SMC3: variants seen among roughly 807,000 people sequenced by gnomAD.
The protein encoded by SMC3 is structural maintenance of chromosomes protein 3.
Under a neutral mutation model 171.8 loss-of-function variants are expected in SMC3, and 20 were observed. That is an observed-to-expected ratio of 0.12 (90% CI 0.08 to 0.17). The LOEUF is 0.17. Ranked by LOEUF, SMC3 falls within the 10% of genes least tolerant of loss-of-function variation. The probability of loss-of-function intolerance (pLI) is 1.00; values close to 1 mark genes in which losing one functional copy is unlikely to be tolerated. For missense variants in SMC3, 543 were observed against 1,420.4 expected, an observed-to-expected ratio of 0.38 and a Z score of 9.93; for synonymous variants, 464 against 451.1, an observed-to-expected ratio of 1.03 and a Z score of -0.36.
At position 110,570,568 on chromosome 10, in the gene SMC3, G is replaced by C. The variant is rs538178427; in HGVS notation, c.91+1555G>C. ...TTTTTCATCAATCAGAAAATCTTTA[G>C]AAATGTAGAAAAATAAGAATTATTA... is the stretch of plus-strand genomic sequence containing the variant. On this transcript the variant is annotated intron_variant, in intron 2 of 28. Transcript: ENST00000361804. Among the ~76,000 whole-genome samples the C allele has an allele frequency of 3.3e-5, 5 of 152,144 alleles. No individual in the cohort carries two copies. The East Asian group carries it at 9.6e-4, about 29-fold the overall frequency.
chr10:110,575,358 T>A lies in SMC3; in HGVS notation c.153T>A (p.Asp51Glu). 6.2e-7 allele frequency: 1 copy of A among 1,613,712 alleles called. No homozygotes were observed. The highest frequency in any genetic ancestry group is 8.5e-7 in the Non-Finnish European group (1 of 1,179,714). The stretch of plus-strand genomic sequence containing the variant: ...CAGCAATTCAGTTTGTTCTCAGTGA[T>A]GAGTTTAGTCATCTTCGTCCAGAAC... ...FFYAIQFVLS[D>E]EFSHLRPEQR... Residue 51 changes from aspartate to glutamate, a missense_variant, in exon 4 of 29, where the codon GAT becomes GAA. Asp to Glu is a conservative substitution (Grantham distance 45, BLOSUM62 2). Transcript: ENST00000361804.
At chr10:110,597,142 T>TC (rs1861312765) in intron 19 of SMC3, among the ~76,000 whole-genome samples, 1 of 23,978 alleles carries the variant, frequency 4.2e-5, no homozygotes, top group African/African-American at 8.9e-5. Flanking sequence ...GGACCCTGTC[T>TC]CAAAAAAAAA....
chr10:110,593,342 C>CG, intron 18 of SMC3, 119 bp downstream of exon 18: 1 of 997,944 alleles, frequency 1.0e-6, no homozygotes, highest in Non-Finnish European at 1.5e-6. Context: ...GAGGCTGAGG[C>CG]GGGTGGATCA....
At chr10:110,570,164 C>A (rs1365697914) in intron 2 of SMC3, among the ~76,000 whole-genome samples, 3 of 152,196 alleles carry the variant, frequency 2.0e-5, no homozygotes, top group Non-Finnish European at 4.4e-5. Flanking sequence ...CACATGGCCC[C>A]ATCCTCATGT....
chr10:110,594,441 C>T (rs1861262889), intron 18 of SMC3, among the ~76,000 whole-genome samples: 1 of 151,992 alleles, frequency 6.6e-6, no homozygotes, highest in Non-Finnish European at 1.5e-5. Flanking sequence ...ACAAGTGTTA[C>T]CTAATATGAA....
chr10:110,592,099 A>G (rs1861214417), intron 17 of SMC3, among the ~76,000 whole-genome samples: 1 of 152,096 alleles, frequency 6.6e-6, no homozygotes, highest in South Asian at 2.1e-4. Context: ...CCCTGTCTCT[A>G]CTAAAAATAC....
In SMC3 at chr10:110,604,547, GAA is replaced by G; in HGVS notation, c.*247_*248del. ...GTTCTGCTCCTATTTTAAATGTTTT[GAA>G]ACATGCTAAATATTCTTTCCTAATT... On this transcript the variant is annotated 3_prime_UTR_variant, in exon 29 of 29. Coordinates refer to ENST00000361804, the MANE Select transcript of SMC3 (RefSeq NM_005445.4). The G allele has an allele frequency of 2.3e-6, 1 of 439,326 alleles. No homozygotes were observed. Among genetic ancestry groups the G allele is most frequent in the East Asian group, 4.3e-5 (1 of 23,056 alleles). The allele number at this position is 439,326 out of a possible 1,614,324, so 27.2% of individuals were successfully genotyped here.
At chr10:110,595,624 G>A (rs985850668) in intron 18 of SMC3, among the ~76,000 whole-genome samples, 4 of 152,092 alleles carry the variant, frequency 2.6e-5, no homozygotes, top group African/African-American at 9.7e-5. Context: ...TTACACTGGG[G>A]GGTTTCAAAA....
chr10:110,574,057 T>C (rs551275467), intron 3 of SMC3, among the ~76,000 whole-genome samples: 2 of 152,342 alleles, frequency 1.3e-5, no homozygotes, highest in East Asian at 3.9e-4. Context: ...TGCAATAGTA[T>C]GTATGAAAAT....
chr10:110,592,947 C>T lies in SMC3; in HGVS notation c.1813-126C>T, dbSNP rs77787875. The stretch of plus-strand genomic sequence containing the variant: ...AGTCTTCTAACTACTTCAGGGAAAA[C>T]GCCAATCGTTTTGAAATATAATGGT... On this transcript the variant is annotated intron_variant, in intron 17 of 28. Transcript: ENST00000361804. 0.13 allele frequency: 106,457 copies of T among 842,068 alleles called. 8,113 individuals are homozygous for T. Among genetic ancestry groups the T allele is most frequent in the East Asian group, 0.3 (11,451 of 38,666 alleles). The allele number at this position is 842,068 out of a possible 1,614,324, so 52.2% of individuals were successfully genotyped here.
intron 3 of SMC3, among the ~76,000 whole-genome samples, 184 bp downstream of exon 3, chr10:110,573,929 T>C (rs762785315): frequency 5.4e-4 from 82 of 152,176 alleles, no homozygotes; most frequent in African/African-American, 1.2e-3. Context: ...ACCCAGTGGC[T>C]GATTAGCTGT....
At position 110,575,419 on chromosome 10, in the gene SMC3, T is replaced by C; in HGVS notation, c.198+16T>C. 6.3e-7 allele frequency: 1 copy of C among 1,577,312 alleles called. No homozygotes were observed. The highest frequency in any genetic ancestry group is 8.7e-7 in the Non-Finnish European group (1 of 1,146,702). ...TTTATTGCATGTGAGTGAGACTGCT[T>C]TAAGACATTATTGATATTACATATA... On this transcript the variant is annotated intron_variant, in intron 4 of 28. Coordinates refer to ENST00000361804, the MANE Select transcript of SMC3 (RefSeq NM_005445.4).
At chr10:110,586,745 C>T (rs1008886144) in intron 13 of SMC3, among the ~76,000 whole-genome samples, 1 of 152,132 alleles carries the variant, frequency 6.6e-6, no homozygotes, top group African/African-American at 2.4e-5. Context: ...GCAACTTCTG[C>T]CTCCTGGGTT....
chr10:110,586,876 C>T (rs148667566), intron 13 of SMC3, among the ~76,000 whole-genome samples: 4,773 of 152,210 alleles, frequency 0.031, 95 homozygotes, highest in South Asian at 0.067. Flanking sequence ...AGGCTGTTCT[C>T]GAACTCCTGA....
intron 7 of SMC3, 52 bp downstream of exon 7, chr10:110,578,758 T>C (rs1482701017): frequency 2.9e-6 from 4 of 1,371,682 alleles, no homozygotes; most frequent in Non-Finnish European, 4.1e-6. Flanking sequence ...TGAGTAATTC[T>C]TGAGTGATGA....
chr10:110,567,940 ACCAGGGCTGGG>A, intron 1 of SMC3, 109 bp downstream of exon 1: 1 of 1,368,998 alleles, frequency 7.3e-7, no homozygotes, highest in Non-Finnish European at 1.0e-6. Context: ...CACAGGCTGG[ACCAGGGCTGGG>A]CGGGGACTGT....
intron 10 of SMC3, 70 bp downstream of exon 10, chr10:110,582,712 A>G: frequency 8.4e-7 from 1 of 1,187,988 alleles, no homozygotes; most frequent in Non-Finnish European, 1.2e-6. Context: ...TCTGTCATCC[A>G]GGCTGGAGTA....
At chr10:110,576,783 A>G (rs1355527895) in intron 4 of SMC3, among the ~76,000 whole-genome samples, 1 of 152,170 alleles carries the variant, frequency 6.6e-6, no homozygotes, top group East Asian at 1.9e-4. Context: ...TGTATTTACT[A>G]CATAGTTTCT....
intron 6 of SMC3, among the ~76,000 whole-genome samples, chr10:110,578,143 G>A (rs1860980969): frequency 6.6e-6 from 1 of 151,726 alleles, no homozygotes. Flanking sequence ...GCGCAGTCTC[G>A]GCTCACTGCA....
Sources: allele counts gnomAD v4.1 joint callset (sites outside exome capture counted in the v4.1 genomes callset), GRCh38; gene constraint gnomAD v4.1.1; transcripts MANE v1.5; gene names NCBI Gene and HGNC (gene_info 2026-07-23, HGNC 2026-07-21).